TBC1D24: variants seen among roughly 807,000 people sequenced by gnomAD.
TBC1D24 encodes TBC1 domain family member 24.
A neutral mutation model predicts 50.7 loss-of-function variants in TBC1D24; 47 were observed. That is an observed-to-expected ratio of 0.93 (90% CI 0.73 to 1.18). The LOEUF (loss-of-function observed/expected upper bound fraction) is 1.18. Among genes scored for constraint, TBC1D24 ranks in the 50% most tolerant of loss-of-function variants. TBC1D24 has a pLI of 0.00. For missense variants in TBC1D24, 688 were observed against 766.5 expected (o/e 0.90, Z 1.21); for synonymous variants, 324 against 335.2 (o/e 0.97, Z 0.36).
chr16:2,499,702 C>T lies in TBC1D24; in HGVS notation c.1207-133C>T. 2 of 863,332 alleles carry T rather than the reference C, an allele frequency of 2.3e-6. No individual in the cohort carries two copies. The allele number at this position is 863,332 out of a possible 1,614,324, so 53.5% of individuals were successfully genotyped here. A position where few individuals can be genotyped will look rare whatever the true frequency, so the allele number is the denominator to read the frequency against. On this transcript the variant is annotated intron_variant, in intron 5 of 7. Coordinates refer to ENST00000646147, the MANE Select transcript of TBC1D24 (RefSeq NM_001199107.2). The surrounding 1 kb of genome is among the most constrained non-coding windows in gnomAD (Gnocchi z 4.0). ...CACTGCCTTTCCCACACCACTCCTG[C>T]CCTGGGGTGGGGGTGGGAGACGGCA...
rs1433112074 is a variant in TBC1D24, at chr16:2,475,292, C to G, written c.-116+122C>G. The G allele has an allele frequency of 6.6e-6, 1 of 150,496 alleles. No homozygotes were observed. The highest frequency in any genetic ancestry group is 1.5e-5 in the Non-Finnish European group (1 of 67,326). The allele number at this position is 150,496 out of a possible 1,614,324, so 9.3% of individuals were successfully genotyped here. ...GGAGCGTGGGGGCCGGGCTGCGGGC[C>G]CCATTCGAGGCGGGGATCCCCGGCC... On this transcript the variant is annotated intron_variant, in intron 1 of 7. Coordinates refer to ENST00000646147, the MANE Select transcript of TBC1D24 (RefSeq NM_001199107.2). This position sits in a 1 kb window ranked among gnomAD's most constrained non-coding sequence, Gnocchi z 4.2.
At chr16:2,476,711 G>C (rs1233675123) in intron 1 of TBC1D24, 1 of 152,292 alleles carries the variant, frequency 6.6e-6, no homozygotes, top group Non-Finnish European at 1.5e-5. Flanking sequence ...AGTGGATCAA[G>C]GTCCTTTTGT....
In TBC1D24 at chr16:2,497,227, C is replaced by T. The variant is rs2065751606; in HGVS notation, c.965+114C>T. 7.9e-6 allele frequency: 11 copies of T among 1,398,578 alleles called. No individual in the cohort carries two copies. In the East Asian group the frequency reaches 2.6e-4, roughly 33 times the overall value. 86.6% of individuals were successfully genotyped at this position (1,398,578 alleles called of 1,614,324 possible). ...AGGCGGCCTCTGCCCATGGTCCACCCAGCCATCTGTGCATGGCTGAAAAGA... is the reference window on the plus strand; with the variant it reads ...AGGCGGCCTCTGCCCATGGTCCACCTAGCCATCTGTGCATGGCTGAAAAGA... On this transcript the variant is annotated intron_variant, in intron 2 of 7. Coordinates refer to ENST00000646147, the MANE Select transcript of TBC1D24 (RefSeq NM_001199107.2).
rs1181532315 is a variant in TBC1D24 at position 2,475,188 on chromosome 16, G to A, written c.-116+18G>A. On this transcript the variant is annotated intron_variant, in intron 1 of 7. Transcript: ENST00000646147. The surrounding 1 kb of genome is among the most constrained non-coding windows in gnomAD (Gnocchi z 4.2). ...GCGCGGAGGTGGGTGCGCTCGGGGC[G>A]TGCGGGGGGCGCGCGGCGGGGTGGC... The A allele has an allele frequency of 1.3e-5, 2 of 149,518 alleles. No individual in the cohort carries two copies. The highest frequency in any genetic ancestry group is 6.7e-5 in the Admixed American group (1 of 14,988). The allele number at this position is 149,518 out of a possible 1,614,324, so 9.3% of individuals were successfully genotyped here.
rs2065812172 is a variant in TBC1D24 at position 2,503,700 on chromosome 16, CAT to C, written c.*2744_*2745del. On this transcript the variant is annotated 3_prime_UTR_variant, in exon 8 of 8. Transcript: ENST00000646147. ...CCTCCTGAGTAGCTGGGATTACAGG[CAT>C]ACGCCACCACGCCCAGCTAAATTTT... 6.6e-6 allele frequency: 1 copy of C among 151,976 alleles called. No homozygotes were observed. Among genetic ancestry groups the C allele is most frequent in the Non-Finnish European group, 1.5e-5 (1 of 68,022 alleles). The allele number at this position is 151,976 out of a possible 1,614,324, so 9.4% of individuals were successfully genotyped here.
intron 1 of TBC1D24, chr16:2,479,911 C>G (rs1240707772): frequency 6.6e-6 from 1 of 152,104 alleles, no homozygotes. Context: ...TGGCTCACCA[C>G]AACCTCCGCC....
chr16:2,499,786 A>G lies in TBC1D24; in HGVS notation c.1207-49A>G, dbSNP rs2141876272. On this transcript the variant is annotated intron_variant, in intron 5 of 7. Transcript: ENST00000646147. This position sits in a 1 kb window ranked among gnomAD's most constrained non-coding sequence, Gnocchi z 4.0. ...CCCGTCAGTAGTCTGGAGCACAGGG[A>G]CGCTCCTGGGGGCCTGCGGGCACAG... The G allele has an allele frequency of 1.3e-6, 2 of 1,515,424 alleles. No individual in the cohort carries two copies. The highest frequency in any genetic ancestry group is 4.5e-5 in the East Asian group (2 of 44,362). The allele number at this position is 1,515,424 out of a possible 1,614,324, so 93.9% of individuals were successfully genotyped here. A position where few individuals can be genotyped will look rare whatever the true frequency, so the allele number is the denominator to read the frequency against.
intron 1 of TBC1D24, chr16:2,477,819 A>T (rs931044104): frequency 1.3e-5 from 2 of 152,232 alleles, no homozygotes; most frequent in Admixed American, 1.3e-4. Context: ...CTTCATTTTG[A>T]AGGATGATCA....
Position 2,482,189 on chromosome 16 carries a change from T to C in TBC1D24, c.-116+7019T>C, listed in dbSNP as rs2065615095. The C allele has an allele frequency of 6.6e-6, 1 of 152,316 alleles. No individual in the cohort carries two copies. Among genetic ancestry groups the C allele is most frequent in the Non-Finnish European group, 1.5e-5 (1 of 68,086 alleles). The allele number at this position is 152,316 out of a possible 1,614,324, so 9.4% of individuals were successfully genotyped here. ...TTGGGCCCAAGTGGTTTGCGATTTC[T>C]CTGAGTCTCTGCCTGTTTTCTTCTC... is the stretch of plus-strand genomic sequence containing the variant. On this transcript the variant is annotated intron_variant, in intron 1 of 7. Coordinates refer to ENST00000646147, the MANE Select transcript of TBC1D24 (RefSeq NM_001199107.2). This position sits in a 1 kb window ranked among gnomAD's most constrained non-coding sequence, Gnocchi z 5.2.
chr16:2,478,927 G>A (rs1297275201), intron 1 of TBC1D24: 2 of 147,844 alleles, frequency 1.4e-5, no homozygotes, highest in East Asian at 2.0e-4. Context: ...TCCCACTGCC[G>A]AGGCTAGAGT....
chr16:2,496,265 G>A lies in TBC1D24; in HGVS notation c.117G>A (p.Ala39=), dbSNP rs537494711. Residue 39 remains alanine (A), a synonymous_variant, in exon 2 of 8, where the codon GCG becomes GCA. Transcript: ENST00000646147. ...AACTGCAGGAACTGAAGCAGCTGGCGCGCCAGGGCTACTGGGCCCAAAGCC... is the reference window on the plus strand; with the variant it reads ...AACTGCAGGAACTGAAGCAGCTGGCACGCCAGGGCTACTGGGCCCAAAGCC... ...CTELQELKQL[A]RQGYWAQSHA... is the part of the protein sequence containing the mutation. 4.9e-5 allele frequency: 79 copies of A among 1,613,794 alleles called. No homozygotes were observed. The South Asian group carries it at 6.3e-4, about 13-fold the overall frequency.
chr16:2,479,184 G>C (rs1315938301), intron 1 of TBC1D24: 1 of 152,216 alleles, frequency 6.6e-6, no homozygotes, highest in African/African-American at 2.4e-5. Flanking sequence ...GAGCTACGGT[G>C]CCTGGCCTGG....
At position 2,485,871 on chromosome 16, in the gene TBC1D24, A is replaced by G. The variant is rs1373265476; in HGVS notation, c.-115-10163A>G. ...TTCCAAAGAGTCCAGACACGCTTCC[A>G]GGCCCTCTCAGCCACCCCCACACCG... On this transcript the variant is annotated intron_variant, in intron 1 of 7. Transcript: ENST00000646147. This position sits in a 1 kb window ranked among gnomAD's most constrained non-coding sequence, Gnocchi z 4.6. Among the ~76,000 whole-genome samples, 1 of 152,186 alleles carries G rather than the reference A, an allele frequency of 6.6e-6. No homozygotes were observed. The highest frequency in any genetic ancestry group is 1.5e-5 in the Non-Finnish European group (1 of 68,024).
rs922568922 is a variant in TBC1D24, at chr16:2,500,048, G to A, written c.1302+118G>A. ...GTCGCCATGGCAGTCACCCAGCAGC[G>A]TCATCGCCCTGTGTGCTTCCGGGTT... On this transcript the variant is annotated intron_variant, in intron 6 of 7. Transcript: ENST00000646147. The surrounding 1 kb of genome is among the most constrained non-coding windows in gnomAD (Gnocchi z 8.0). 5.0e-5 allele frequency: 52 copies of A among 1,034,814 alleles called. No individual in the cohort carries two copies. In the Admixed American group the frequency reaches 5.2e-4, roughly 10 times the overall value. The allele number at this position is 1,034,814 out of a possible 1,614,324, so 64.1% of individuals were successfully genotyped here. A position where few individuals can be genotyped will look rare whatever the true frequency, so the allele number is the denominator to read the frequency against.
At chr16:2,484,669 GTGGCTCT>G (rs1353654703) in intron 1 of TBC1D24, 2 of 152,416 alleles carry the variant, frequency 1.3e-5, no homozygotes, top group Non-Finnish European at 2.9e-5. Context: ...GACAAGTCCA[GTGGCTCT>G]CTTCCGTCGT....
intron 1 of TBC1D24, among the ~76,000 whole-genome samples, chr16:2,492,173 G>C (rs920453482): frequency 6.6e-6 from 1 of 152,132 alleles, no homozygotes; most frequent in Non-Finnish European, 1.5e-5. Flanking sequence ...TAAGTGGGTT[G>C]TTGCCTTGTG....
rs1165988631 is a variant in TBC1D24, at chr16:2,500,396, C to T, written c.1431C>T (p.Asp477=). 6.2e-7 allele frequency: 1 copy of T among 1,604,082 alleles called. No homozygotes were observed. The highest frequency in any genetic ancestry group is 8.5e-7 in the Non-Finnish European group (1 of 1,176,036). ...ACTCCGCCTCCTCAGACCCCGCTGA[C>T]CGCCTCTCGCCCTTCCTGGCCGCTC... ...LSHSASSDPA[D]RLSPFLAARH... is the part of the protein sequence containing the mutation. Residue 477 remains aspartate (D), a synonymous_variant, in exon 7 of 8, where the codon GAC becomes GAT. Coordinates refer to ENST00000646147, the MANE Select transcript of TBC1D24 (RefSeq NM_001199107.2). The surrounding 1 kb of genome is among the most constrained non-coding windows in gnomAD (Gnocchi z 8.0).
chr16:2,492,920 C>T (rs1426892172), intron 1 of TBC1D24, among the ~76,000 whole-genome samples: 1 of 151,858 alleles, frequency 6.6e-6, no homozygotes, highest in Non-Finnish European at 1.5e-5. Flanking sequence ...TGGACAATCC[C>T]TGTCTCTACT....
At chr16:2,494,806 G>C (rs1670582985) in intron 1 of TBC1D24, among the ~76,000 whole-genome samples, 1 of 152,130 alleles carries the variant, frequency 6.6e-6, no homozygotes, top group Admixed American at 6.5e-5. Flanking sequence ...TCTGTGAAAA[G>C]AAGGTATACT....
Sources: gnomAD v4.1 joint callset for allele counts (sites outside exome capture counted in the v4.1 genomes callset) on GRCh38, gnomAD v4.1.1 for gene constraint, Gnocchi (gnomAD v3.1) non-coding constraint, MANE v1.5 for transcripts, NCBI Gene and HGNC (gene_info 2026-07-23, HGNC 2026-07-21) for gene names.